The following FOXP1 variants were observed in gnomAD, a reference collection of about 807,000 sequenced individuals.
FOXP1 encodes forkhead box protein P1.
FOXP1 carries 15 observed loss-of-function variants against 98.2 expected under a neutral mutation model. The ratio of observed to expected loss-of-function variants is 0.15; its 90% CI spans 0.10 to 0.24. The LOEUF (loss-of-function observed/expected upper bound fraction) is 0.24. FOXP1 is among the 10% of genes least tolerant of loss of function. The pLI is 1.00. For synonymous variants in FOXP1, 371 were observed against 314.5 expected (o/e 1.18, Z -1.90); for missense variants, 633 against 848.5 (o/e 0.75, Z 3.15).
intron 3 of FOXP1, among the ~76,000 whole-genome samples, chr3:71,409,564 G>GC (rs1302438543): frequency 1.6e-5 from 2 of 124,786 alleles, no homozygotes; most frequent in African/African-American, 5.9e-5. Flanking sequence ...AATGAAGAAT[G>GC]GCTTGAATCT....
intron 5 of FOXP1, among the ~76,000 whole-genome samples, chr3:71,239,221 T>A (rs1415626295): frequency 6.6e-6 from 1 of 152,196 alleles, no homozygotes; most frequent in Middle Eastern, 3.2e-3. Context: ...TCATTTCTCC[T>A]CTTCCCTGTC....
intron 7 of FOXP1, among the ~76,000 whole-genome samples, chr3:71,073,315 C>A (rs909870817): frequency 2.0e-5 from 3 of 152,330 alleles, no homozygotes; most frequent in Non-Finnish European, 2.9e-5. Flanking sequence ...TTCCCTCTAA[C>A]TTTGTTCTCT....
chr3:70,983,099 C>T (rs912168197), intron 14 of FOXP1, among the ~76,000 whole-genome samples: 6 of 152,310 alleles, frequency 3.9e-5, no homozygotes, highest in African/African-American at 7.2e-5. Context: ...GTTACCAGGC[C>T]GTGCGGAGGG....
intron 6 of FOXP1, among the ~76,000 whole-genome samples, chr3:71,162,852 A>T (rs1035411582): frequency 6.6e-6 from 1 of 152,174 alleles, no homozygotes; most frequent in African/African-American, 2.4e-5. Flanking sequence ...TTGAAGGCTG[A>T]TCTCTTCATT....
At chr3:71,314,014 C>A (rs182971475) in intron 4 of FOXP1, among the ~76,000 whole-genome samples, 11 of 152,268 alleles carry the variant, frequency 7.2e-5, no homozygotes, top group African/African-American at 2.6e-4. Context: ...CCTAAGCTCT[C>A]TGTCCCTCAG....
intron 4 of FOXP1, among the ~76,000 whole-genome samples, chr3:71,339,924 AC>A (rs2107773706): frequency 6.6e-6 from 1 of 152,318 alleles, no homozygotes; most frequent in South Asian, 2.1e-4. Context: ...CTTCTGAAAA[AC>A]CATGTTTCAT....
chr3:71,536,464 CA>C (rs1250481771), intron 2 of FOXP1, among the ~76,000 whole-genome samples: 1 of 152,044 alleles, frequency 6.6e-6, no homozygotes, highest in East Asian at 1.9e-4. Context: ...TCACACAGTC[CA>C]AACTACTAGG....
intron 14 of FOXP1, among the ~76,000 whole-genome samples, chr3:70,979,373 T>TTAAAG (rs1264738916): frequency 5.4e-5 from 8 of 148,202 alleles, no homozygotes; most frequent in South Asian, 2.2e-4. Context: ...TATCTTCACC[T>TTAAAG]TAAAGTACTG....
At chr3:71,014,522 G>A (rs950009768) in intron 12 of FOXP1, among the ~76,000 whole-genome samples, 9 of 152,158 alleles carry the variant, frequency 5.9e-5, no homozygotes, top group Non-Finnish European at 1.2e-4. Context: ...GGAGAAATAG[G>A]AACACTTTTA....
Position 70,956,040 on chromosome 3 carries a change from C to T in FOXP1, c.*3207G>A, listed in dbSNP as rs533126375. On this transcript the variant is annotated 3_prime_UTR_variant, in exon 21 of 21. Transcript: ENST00000649528. The stretch of plus-strand genomic sequence containing the variant: ...ACATGTGCAGCATATTCTGCAATTC[C>T]GTTACATACAGTAGTTTTTTTTCCA... 6.0e-5 allele frequency: 14 copies of T among 233,110 alleles called. No homozygotes were observed. In the South Asian group the frequency reaches 1.6e-3, roughly 27 times the overall value. 14.4% of individuals were successfully genotyped at this position (233,110 alleles called of 1,614,324 possible). A position where few individuals can be genotyped will look rare whatever the true frequency, so the allele number is the denominator to read the frequency against.
chr3:71,128,476 T>C (rs1205157179), intron 6 of FOXP1, among the ~76,000 whole-genome samples: 2 of 152,082 alleles, frequency 1.3e-5, no homozygotes, highest in Non-Finnish European at 2.9e-5. Context: ...GACATATAAG[T>C]AGACTCTCTG....
At chr3:71,158,225 A>G (rs1233754966) in intron 6 of FOXP1, among the ~76,000 whole-genome samples, 1 of 151,372 alleles carries the variant, frequency 6.6e-6, no homozygotes, top group Non-Finnish European at 1.5e-5. Context: ...GAAAAAAGAA[A>G]GACAGAAGAG....
intron 3 of FOXP1, among the ~76,000 whole-genome samples, chr3:71,443,860 C>CA (rs2086170469): frequency 6.6e-6 from 1 of 151,958 alleles, no homozygotes; most frequent in African/African-American, 2.4e-5. Context: ...AAGAATATAC[C>CA]AAAATAACCT....
chr3:71,458,960 T>A (rs1232709983), intron 3 of FOXP1, among the ~76,000 whole-genome samples: 1 of 152,252 alleles, frequency 6.6e-6, no homozygotes, highest in Non-Finnish European at 1.5e-5. Flanking sequence ...TTCACCAAGT[T>A]GCTATTATCA....
intron 4 of FOXP1, among the ~76,000 whole-genome samples, chr3:71,357,253 G>C (rs937889856): frequency 6.6e-6 from 1 of 152,128 alleles, no homozygotes. Context: ...TAGCATATTC[G>C]AGAGTTTAAA....
At chr3:71,243,637 C>T (rs1050244348) in intron 5 of FOXP1, among the ~76,000 whole-genome samples, 6 of 152,176 alleles carry the variant, frequency 3.9e-5, no homozygotes, top group Non-Finnish European at 7.3e-5. Context: ...TAATCACCAA[C>T]TTTGATTTTT....
intron 2 of FOXP1, among the ~76,000 whole-genome samples, chr3:71,559,333 C>G (rs2046374426): frequency 6.6e-6 from 1 of 152,198 alleles, no homozygotes; most frequent in South Asian, 2.1e-4. Flanking sequence ...ATAGAATGGA[C>G]AACTGCTATT....
intron 3 of FOXP1, among the ~76,000 whole-genome samples, chr3:71,435,021 C>T (rs976444606): frequency 6.6e-6 from 1 of 151,602 alleles, no homozygotes; most frequent in Non-Finnish European, 1.5e-5. Flanking sequence ...TTCAGCTTTA[C>T]GGCATGTCGT....
Position 71,201,996 on chromosome 3 carries a change from C to T in FOXP1, c.-11-3604G>A, listed in dbSNP as rs573345513. On this transcript the variant is annotated intron_variant, in intron 5 of 20. Transcript: ENST00000649528. The stretch of plus-strand genomic sequence containing the variant: ...TGCTGCTTTCAGACTATGTGACCAT[C>T]GGGATCCCAGGCCTGAGAGCAGGTG... 3.9e-5 allele frequency among the ~76,000 whole-genome samples: 6 copies of T among 152,260 alleles called. No homozygotes were observed. In the South Asian group the frequency reaches 6.2e-4, roughly 16 times the overall value.
Sources: allele counts gnomAD v4.1 joint callset (sites outside exome capture counted in the v4.1 genomes callset), GRCh38; gene constraint gnomAD v4.1.1; transcripts MANE v1.5; gene names NCBI Gene and HGNC (gene_info 2026-07-23, HGNC 2026-07-21).